Variants in MAT2B observed in about 807,000 individuals in gnomAD.
MAT2B encodes methionine adenosyltransferase 2 subunit beta.
MAT2B carries 16 observed loss-of-function variants against 36.1 expected under a neutral mutation model. The ratio of observed to expected loss-of-function variants is 0.44; its 90% CI spans 0.30 to 0.67. The LOEUF (loss-of-function observed/expected upper bound fraction) is 0.67, where lower values mean the gene tolerates loss of function less well. Ranked by LOEUF, MAT2B falls within the 30% of genes least tolerant of loss-of-function variation. MAT2B has a pLI of 0.09. For missense variants in MAT2B, 332 were observed against 398.2 expected (o/e 0.83, Z 1.42); for synonymous variants, 148 against 136.9 (o/e 1.08, Z -0.57).
Position 163,505,672 on chromosome 5 carries a change from G to A in MAT2B, c.-15G>A. 1 of 1,279,844 alleles carries A rather than the reference G, an allele frequency of 7.8e-7. No individual in the cohort carries two copies. Among genetic ancestry groups the A allele is most frequent in the Non-Finnish European group, 9.9e-7 (1 of 1,006,004 alleles). 79.3% of individuals were successfully genotyped at this position (1,279,844 alleles called of 1,614,324 possible). On this transcript the variant is annotated 5_prime_UTR_variant, in exon 1 of 7. In the 5' UTR this introduces an upstream ATG that the reference lacks. Coordinates refer to ENST00000321757, the MANE Select transcript of MAT2B (RefSeq NM_013283.5). The stretch of plus-strand genomic sequence containing the variant: ...AGGTGGCGGCCGCTGAGGCTGCGGC[G>A]TGAAGACGGCGGGCATGGTGGGGCG...
At chr5:163,516,390 C>T in intron 4 of MAT2B, 128 bp from the exon 5 acceptor site, 2 of 714,196 alleles carry the variant, frequency 2.8e-6, no homozygotes, top group Admixed American at 2.8e-5. Flanking sequence ...TGAGCTGTGT[C>T]ATTTTGGTAT....
At chr5:163,515,787 T>C (rs1760123391) in intron 4 of MAT2B, among the ~76,000 whole-genome samples, 1 of 135,796 alleles carries the variant, frequency 7.4e-6, no homozygotes, top group Non-Finnish European at 1.6e-5. Context: ...TTTTTTTTTT[T>C]TTTTTTTTTG....
Position 163,516,590 on chromosome 5 carries a change from T to C in MAT2B, c.599T>C (p.Met200Thr), listed in dbSNP as rs367745735. ...CTCGAAGAAAGTGCTGTGACTGTTA[T>C]GTTTGATAAAGTGCAGTTCAGCAAC... is the stretch of plus-strand genomic sequence containing the variant. Reference protein sequence around the residue: ...EKLEESAVTVMFDKVQFSNKS... With the variant: ...EKLEESAVTVTFDKVQFSNKS... Residue 200 changes from methionine to threonine, a missense_variant, in exon 5 of 7, where the codon ATG becomes ACG. Coordinates refer to ENST00000321757, the MANE Select transcript of MAT2B (RefSeq NM_013283.5). 2.7e-5 allele frequency: 43 copies of C among 1,614,120 alleles called. No individual in the cohort carries two copies. The highest frequency in any genetic ancestry group is 1.8e-4 in the East Asian group (8 of 44,900).
intron 5 of MAT2B, chr5:163,517,322 T>G (rs1188448102): frequency 3.7e-6 from 1 of 268,612 alleles, no homozygotes; most frequent in Non-Finnish European, 7.0e-6. Flanking sequence ...TAAGTAAAAT[T>G]GGAGCCTTTT....
chr5:163,510,948 A>T (rs1760029389), intron 1 of MAT2B, among the ~76,000 whole-genome samples: 1 of 152,226 alleles, frequency 6.6e-6, no homozygotes, highest in Non-Finnish European at 1.5e-5. Flanking sequence ...GGCAGATTTG[A>T]CGCAAATACT....
chr5:163,507,797 CAG>C (rs1759970192), intron 1 of MAT2B, among the ~76,000 whole-genome samples: 1 of 152,250 alleles, frequency 6.6e-6, no homozygotes, highest in African/African-American at 2.4e-5. Context: ...AGCTCAAAAA[CAG>C]AGATATTTGT....
Position 163,516,564 on chromosome 5 carries a change from G to T in MAT2B, c.573G>T (p.Lys191Asn), listed in dbSNP as rs1486646557. Reference sequence around the variant, plus strand: ...CTATTCTGTATGGGGAAGTTGAAAAGCTCGAAGAAAGTGCTGTGACTGTTA... The same window carrying T: ...CTATTCTGTATGGGGAAGTTGAAAATCTCGAAGAAAGTGCTGTGACTGTTA... ...RIPILYGEVE[K>N]LEESAVTVMF... is the part of the protein sequence containing the mutation. Residue 191 changes from lysine (K) to asparagine (N), a missense_variant, in exon 5 of 7, where the codon AAG becomes AAT. Lys to Asn is a moderately conservative substitution (Grantham distance 94). Coordinates refer to ENST00000321757, the MANE Select transcript of MAT2B (RefSeq NM_013283.5). 2 of 1,614,170 alleles carry T rather than the reference G, an allele frequency of 1.2e-6. No individual in the cohort carries two copies. The highest frequency in any genetic ancestry group is 8.5e-7 in the Non-Finnish European group (1 of 1,180,030).
At chr5:163,517,188 A>C (rs1760146650) in intron 5 of MAT2B, 3 of 195,880 alleles carry the variant, frequency 1.5e-5, no homozygotes, top group Admixed American at 1.1e-4. Context: ...TATTTAAGAA[A>C]GTTTAGCTCA....
At chr5:163,505,895 G>A (rs1759927768) in intron 1 of MAT2B, 146 bp downstream of exon 1, 3 of 531,528 alleles carry the variant, frequency 5.6e-6, no homozygotes, top group Non-Finnish European at 8.8e-6. Flanking sequence ...TCCCAGCCCC[G>A]GATCCGAGGG....
At chr5:163,514,696 A>G (rs1222740891) in intron 4 of MAT2B, among the ~76,000 whole-genome samples, 1 of 152,144 alleles carries the variant, frequency 6.6e-6, no homozygotes, top group Non-Finnish European at 1.5e-5. Context: ...GCTGCGTAGT[A>G]CTTAATTTAA....
intron 1 of MAT2B, 91 bp from the exon 2 acceptor site, chr5:163,511,911 A>T: frequency 2.1e-6 from 2 of 951,052 alleles, no homozygotes; most frequent in Non-Finnish European, 3.2e-6. Context: ...ACGTAGAATT[A>T]AGACATTTAG....
chr5:163,514,833 G>A (rs1007981200), intron 4 of MAT2B, among the ~76,000 whole-genome samples: 7 of 152,122 alleles, frequency 4.6e-5, no homozygotes, highest in African/African-American at 1.7e-4. Context: ...AAATTATTCT[G>A]TTGAAATCAT....
At position 163,513,633 on chromosome 5, in the gene MAT2B, A is replaced by C; in HGVS notation, c.337A>C (p.Asn113His). Reference protein sequence around the residue: ...ENQPDAASQLNVDASGNLAKE... With the variant: ...ENQPDAASQLHVDASGNLAKE... Reference sequence around the variant, plus strand: ...TCAGCCAGATGCTGCCTCTCAACTTAATGTGGATGCTTCTGGGAATTTAGC... The same window carrying C: ...TCAGCCAGATGCTGCCTCTCAACTTCATGTGGATGCTTCTGGGAATTTAGC... The change falls in exon 3 of 7, where the codon AAT becomes CAT. Residue 113 changes from asparagine (N) to histidine (H), a missense_variant. Transcript: ENST00000321757. The C allele has an allele frequency of 6.2e-7, 1 of 1,613,898 alleles. No individual in the cohort carries two copies. Among genetic ancestry groups the C allele is most frequent in the Middle Eastern group, 1.7e-4 (1 of 6,058 alleles).
Position 163,516,583 on chromosome 5 carries a change from A to G in MAT2B, c.592A>G (p.Thr198Ala). ...TGAAAAGCTCGAAGAAAGTGCTGTGACTGTTATGTTTGATAAAGTGCAGTT... is the reference window on the plus strand; with the variant it reads ...TGAAAAGCTCGAAGAAAGTGCTGTGGCTGTTATGTTTGATAAAGTGCAGTT... Reference protein sequence around the residue: ...EVEKLEESAVTVMFDKVQFSN... With the variant: ...EVEKLEESAVAVMFDKVQFSN... The change falls in exon 5 of 7, where the codon ACT (threonine) becomes GCT (alanine). Residue 198 changes from threonine (T) to alanine (A), a missense_variant. By Grantham distance (58) the Thr-to-Ala change is moderately conservative. Coordinates refer to ENST00000321757, the MANE Select transcript of MAT2B (RefSeq NM_013283.5). The G allele has an allele frequency of 6.2e-7, 1 of 1,614,168 alleles. No individual in the cohort carries two copies. Among genetic ancestry groups the G allele is most frequent in the Non-Finnish European group, 8.5e-7 (1 of 1,180,010 alleles).
chr5:163,503,553 T>TA, upstream of MAT2B: 1 of 886,988 alleles, frequency 1.1e-6, no homozygotes, highest in African/African-American at 1.7e-5. Flanking sequence ...TTCATTTCCT[T>TA]AAAACATAAC....
chr5:163,512,222 T>C (rs759670860), intron 2 of MAT2B, 26 bp downstream of exon 2: 8 of 1,546,154 alleles, frequency 5.2e-6, no homozygotes, highest in Admixed American at 3.3e-5. Flanking sequence ...TTTTAAGATA[T>C]ACATGAACAA....
intron 2 of MAT2B, chr5:163,512,635 T>C: frequency 2.3e-6 from 1 of 433,350 alleles, no homozygotes; most frequent in Non-Finnish European, 4.6e-6. Flanking sequence ...CTCTTTCCTT[T>C]TGTCCAAATT....
rs889327391 is a variant in MAT2B, at chr5:163,510,019, T to TA, written c.64-1974dup. Reference sequence around the variant, plus strand: ...AGAAATACTTGATTTTGGTGTCTTTTAAAAAAAAATGTATGTATTCGGCTA... The same window carrying TA: ...AGAAATACTTGATTTTGGTGTCTTTTAAAAAAAAAATGTATGTATTCGGCTA... On this transcript the variant is annotated intron_variant, in intron 1 of 6. Transcript: ENST00000321757. Among the ~76,000 whole-genome samples, 27 of 151,784 alleles carry TA rather than the reference T, an allele frequency of 1.8e-4. No individual in the cohort carries two copies. In the East Asian group the frequency reaches 1.9e-3, roughly 11 times the overall value.
intron 3 of MAT2B, 81 bp downstream of exon 3, chr5:163,513,750 T>C (rs1371055638): frequency 6.6e-7 from 1 of 1,509,464 alleles, no homozygotes; most frequent in Non-Finnish European, 9.1e-7. Flanking sequence ...TAGATGGTTA[T>C]TTGTTTTTAT....
Sources: gnomAD v4.1 joint callset for allele counts (sites outside exome capture counted in the v4.1 genomes callset) on GRCh38, gnomAD v4.1.1 for gene constraint, MANE v1.5 for transcripts, NCBI Gene and HGNC (gene_info 2026-07-23, HGNC 2026-07-21) for gene names.